The following ERGIC1 variants were observed in gnomAD, a reference collection of about 807,000 sequenced individuals.
The protein encoded by ERGIC1 is endoplasmic reticulum-golgi intermediate compartment 1.
In ERGIC1, 19 loss-of-function variants were observed where a neutral mutation model predicts 38.3. The observed-to-expected ratio is 0.50, with a 90% confidence interval of 0.35 to 0.73. ERGIC1 has a LOEUF of 0.73. Among genes scored for constraint, ERGIC1 ranks in the 30% least tolerant of loss-of-function variants. ERGIC1 has a pLI of 0.01. For synonymous variants in ERGIC1, 124 were observed against 157.6 expected (o/e 0.79, Z 1.60); for missense variants, 294 against 389.2 (o/e 0.76, Z 2.06).
At chr5:172,936,689 T>G (rs1170542557) in intron 9 of ERGIC1, 3 of 152,276 alleles carry the variant, frequency 2.0e-5, no homozygotes, top group Admixed American at 1.3e-4. Context: ...AAGGAGAAGC[T>G]GTTTGCAGAT....
intron 7 of ERGIC1, among the ~76,000 whole-genome samples, chr5:172,929,236 C>A (rs990212798): frequency 2.0e-5 from 3 of 151,934 alleles, no homozygotes; most frequent in South Asian, 2.1e-4. Flanking sequence ...GATTCTGGGC[C>A]CCACTCCAGT....
chr5:172,944,288 G>A (rs1007112946), intron 9 of ERGIC1, among the ~76,000 whole-genome samples: 6 of 152,144 alleles, frequency 3.9e-5, no homozygotes, highest in South Asian at 2.1e-4. Context: ...ATACAAGAGC[G>A]TGGCAGTGGC....
In ERGIC1 at chr5:172,949,658, G is replaced by GC. The variant is rs1055561170; in HGVS notation, c.766-1051_766-1050insC. 3.3e-5 allele frequency among the ~76,000 whole-genome samples: 5 copies of GC among 151,710 alleles called. No homozygotes were observed. In the East Asian group the frequency reaches 5.8e-4, roughly 18 times the overall value. On this transcript the variant is annotated intron_variant, in intron 9 of 9. Coordinates refer to ENST00000393784, the MANE Select transcript of ERGIC1 (RefSeq NM_001031711.3). ...CATTGTGGTTGTCACAGCGTGGCGGGGGGGGGTATGATTGGCATCTCCTGG... is the reference window on the plus strand; with the variant it reads ...CATTGTGGTTGTCACAGCGTGGCGGGCGGGGGGTATGATTGGCATCTCCTGG...
chr5:172,927,834 T>C (rs1010702370), intron 7 of ERGIC1, among the ~76,000 whole-genome samples: 1 of 152,142 alleles, frequency 6.6e-6, no homozygotes, highest in Non-Finnish European at 1.5e-5. Flanking sequence ...GTCCCCACTC[T>C]GCTCTGCTTT....
chr5:172,877,938 G>A (rs530346767), intron 1 of ERGIC1, among the ~76,000 whole-genome samples: 2 of 152,354 alleles, frequency 1.3e-5, no homozygotes, highest in East Asian at 1.9e-4. Flanking sequence ...GGGCTGGGCC[G>A]GGTATAGTCC....
intron 1 of ERGIC1, among the ~76,000 whole-genome samples, chr5:172,848,126 C>G (rs183360344): frequency 2.0e-5 from 3 of 152,178 alleles, no homozygotes; most frequent in Admixed American, 2.0e-4. Flanking sequence ...CAGGGAATAA[C>G]TTTTTTCATG....
chr5:172,878,795 A>AACACACATACACGCATGC (rs1762211725), intron 1 of ERGIC1, among the ~76,000 whole-genome samples: 2 of 151,970 alleles, frequency 1.3e-5, no homozygotes, highest in African/African-American at 4.8e-5. Context: ...CGTGCCCCCC[A>AACACACATACACGCATGC]ACACACATAC....
rs1179255625 is a variant in ERGIC1, at chr5:172,926,733, C to T, written c.541+164C>T. On this transcript the variant is annotated intron_variant, in intron 7 of 9. Transcript: ENST00000393784. This position sits in a 1 kb window ranked among gnomAD's most constrained non-coding sequence, Gnocchi z 5.2. ...ACAGCTAACCAGTGGGAAGGTGGAC[C>T]CAGCCCCGTCCAGACCCAGACCCTG... 5 of 707,068 alleles carry T rather than the reference C, an allele frequency of 7.1e-6. No homozygotes were observed. Among genetic ancestry groups the T allele is most frequent in the African/African-American group, 3.5e-5 (2 of 56,484 alleles). 43.8% of individuals were successfully genotyped at this position (707,068 alleles called of 1,614,324 possible).
At chr5:172,877,114 C>T (rs1288515311) in intron 1 of ERGIC1, among the ~76,000 whole-genome samples, 1 of 152,056 alleles carries the variant, frequency 6.6e-6, no homozygotes, top group Non-Finnish European at 1.5e-5. Flanking sequence ...CAAATTTGTT[C>T]TTTTTCACAG....
intron 1 of ERGIC1, among the ~76,000 whole-genome samples, chr5:172,838,855 T>G (rs1761091776): frequency 6.6e-6 from 1 of 152,068 alleles, no homozygotes; most frequent in African/African-American, 2.4e-5. Context: ...CAGCAGAGAG[T>G]AGCTAACATG....
At chr5:172,905,186 G>A (rs890384011) in intron 3 of ERGIC1, 4 of 242,584 alleles carry the variant, frequency 1.6e-5, no homozygotes, top group Non-Finnish European at 3.6e-5. Flanking sequence ...TCGCCAGGTG[G>A]GAAAGGTGAG....
At chr5:172,892,069 T>G (rs921778407) in intron 2 of ERGIC1, among the ~76,000 whole-genome samples, 1 of 148,832 alleles carries the variant, frequency 6.7e-6, no homozygotes, top group African/African-American at 2.5e-5. Flanking sequence ...TATGTTTTTT[T>G]TTTTTTTTTT....
At chr5:172,919,892 C>T (rs536777331) in intron 5 of ERGIC1, among the ~76,000 whole-genome samples, 4 of 152,288 alleles carry the variant, frequency 2.6e-5, no homozygotes, top group Admixed American at 6.5e-5. Context: ...TTCTTAGACC[C>T]GCGTTATGGC....
chr5:172,887,003 G>C (rs1381278454), intron 1 of ERGIC1, among the ~76,000 whole-genome samples: 1 of 152,222 alleles, frequency 6.6e-6, no homozygotes, highest in East Asian at 1.9e-4. Flanking sequence ...GTGACTGGGA[G>C]CTAAGCAGGC....
intron 5 of ERGIC1, among the ~76,000 whole-genome samples, chr5:172,918,779 G>A (rs995490661): frequency 1.3e-5 from 2 of 152,196 alleles, no homozygotes; most frequent in African/African-American, 4.8e-5. Flanking sequence ...GCAGGCAGGT[G>A]GGGGGTTGGT....
chr5:172,949,656 G>T (rs59269996), intron 9 of ERGIC1, among the ~76,000 whole-genome samples: 3 of 34,276 alleles, frequency 8.8e-5, no homozygotes, highest in Non-Finnish European at 1.2e-4. Flanking sequence ...ACAGCGTGGC[G>T]GGGGGGGGTA....
intron 1 of ERGIC1, among the ~76,000 whole-genome samples, chr5:172,840,964 G>C (rs1761145335): frequency 1.3e-5 from 2 of 152,202 alleles, no homozygotes; most frequent in Non-Finnish European, 2.9e-5. Context: ...TGAAGAGTCC[G>C]GCACTGAGCG....
In ERGIC1 at chr5:172,846,053, G is replaced by C. The variant is rs1581506736; in HGVS notation, c.20+11620G>C. ...TTTCTTCCTAAGTGGACAGGGTTAT[G>C]GTTTTGGGGAAGCATCCCCAGAGGT... On this transcript the variant is annotated intron_variant, in intron 1 of 9. Transcript: ENST00000393784. The surrounding 1 kb of genome is among the most constrained non-coding windows in gnomAD (Gnocchi z 4.0). Among the ~76,000 whole-genome samples the C allele has an allele frequency of 6.6e-6, 1 of 152,242 alleles. No homozygotes were observed. The highest frequency in any genetic ancestry group is 1.9e-4 in the East Asian group (1 of 5,180).
At chr5:172,865,124 G>A (rs528175682) in intron 1 of ERGIC1, among the ~76,000 whole-genome samples, 5 of 138,002 alleles carry the variant, frequency 3.6e-5, no homozygotes, top group East Asian at 2.1e-4. Flanking sequence ...GCACGATCTC[G>A]GCTCACGGCA....
Sources: gnomAD v4.1 joint callset for allele counts (sites outside exome capture counted in the v4.1 genomes callset) on GRCh38, gnomAD v4.1.1 for gene constraint, Gnocchi (gnomAD v3.1) non-coding constraint, MANE v1.5 for transcripts, NCBI Gene and HGNC (gene_info 2026-07-23, HGNC 2026-07-21) for gene names.